TTC7B: variants seen among roughly 807,000 people sequenced by gnomAD.
TTC7B encodes the protein tetratricopeptide repeat protein 7B.
A neutral mutation model predicts 106.8 loss-of-function variants in TTC7B; 28 were observed. The observed-to-expected ratio is 0.26, with a 90% CI of 0.19 to 0.36. The LOEUF is 0.36. TTC7B is among the 10% of genes least tolerant of loss of function. The pLI is 1.00. For missense variants in TTC7B, 862 were observed against 1,076.4 expected (o/e 0.80, Z 2.79); for synonymous variants, 405 against 430.6 (o/e 0.94, Z 0.74).
At chr14:90,546,933 G>T (rs777464378) in intron 19 of TTC7B, among the ~76,000 whole-genome samples, 2 of 152,196 alleles carry the variant, frequency 1.3e-5, no homozygotes, top group Non-Finnish European at 2.9e-5. Context: ...CAGATGACCC[G>T]CCTACAGGTA....
Position 90,531,208 on chromosome 14 carries a change from T to C in TTC7B, c.*10160A>G, listed in dbSNP as rs1695584861. 1.3e-5 allele frequency: 2 copies of C among 152,300 alleles called. No individual in the cohort carries two copies. The highest frequency in any genetic ancestry group is 1.5e-5 in the Non-Finnish European group (1 of 68,032). 9.4% of individuals were successfully genotyped at this position (152,300 alleles called of 1,614,324 possible). A position where few individuals can be genotyped will look rare whatever the true frequency, so the allele number is the denominator to read the frequency against. ...TGTTGTAGCAGCAACAGGCAGCTGA[T>C]ACAGTGGGTGTAGGTTTTACGATCA... On this transcript the variant is annotated 3_prime_UTR_variant, in exon 20 of 20. Transcript: ENST00000328459.
At chr14:90,777,547 G>A (rs1355278807) in intron 3 of TTC7B, among the ~76,000 whole-genome samples, 1 of 152,130 alleles carries the variant, frequency 6.6e-6, no homozygotes, top group Non-Finnish European at 1.5e-5. Context: ...GGCCAACTCA[G>A]ACCTCAGGTC....
At position 90,578,649 on chromosome 14, in the gene TTC7B, C is replaced by T. The variant is rs1706395768; in HGVS notation, c.2108-341G>A. On this transcript the variant is annotated intron_variant, in intron 18 of 19. Transcript: ENST00000328459. The surrounding 1 kb of genome is among the most constrained non-coding windows in gnomAD (Gnocchi z 4.7). ...TGTCTGGACAGAGGCTGGCCCGGTC[C>T]AACCCTTGGCTCTGACCCCCATAGA... Among the ~76,000 whole-genome samples the T allele has an allele frequency of 6.6e-6, 1 of 152,022 alleles. No homozygotes were observed. Among genetic ancestry groups the T allele is most frequent in the Non-Finnish European group, 1.5e-5 (1 of 68,006 alleles).
rs1891327953 is a variant in TTC7B at position 90,578,037 on chromosome 14, T to C, written c.2310+69A>G. On this transcript the variant is annotated intron_variant, in intron 19 of 19. Transcript: ENST00000328459. The surrounding 1 kb of genome is among the most constrained non-coding windows in gnomAD (Gnocchi z 4.7). ...AGCAGAAGAGGGTGTGAGGGTCATGTGCTACCTGCCGCTTCCAAGGGCTGT... is the reference window on the plus strand; with the variant it reads ...AGCAGAAGAGGGTGTGAGGGTCATGCGCTACCTGCCGCTTCCAAGGGCTGT... 5.2e-6 allele frequency: 8 copies of C among 1,529,188 alleles called. No homozygotes were observed. The South Asian group carries it at 8.4e-5, about 16-fold the overall frequency. 94.7% of individuals were successfully genotyped at this position (1,529,188 alleles called of 1,614,324 possible).
At chr14:90,784,480 G>C (rs1432711805) in intron 2 of TTC7B, among the ~76,000 whole-genome samples, 1 of 151,994 alleles carries the variant, frequency 6.6e-6, no homozygotes, top group East Asian at 1.9e-4. Context: ...TGGCATGAGC[G>C]CGGGAGGCAG....
At chr14:90,569,416 C>T (rs1373014846) in intron 19 of TTC7B, among the ~76,000 whole-genome samples, 11 of 152,274 alleles carry the variant, frequency 7.2e-5, no homozygotes, top group South Asian at 4.1e-4. Context: ...TCCCAACAGA[C>T]GACTGGGGAG....
intron 19 of TTC7B, among the ~76,000 whole-genome samples, chr14:90,556,085 A>G (rs1201223392): frequency 6.6e-6 from 1 of 152,232 alleles, no homozygotes; most frequent in Non-Finnish European, 1.5e-5. Context: ...GACCTAATTG[A>G]AAGTGTCAGG....
At chr14:90,796,605 A>G (rs1462094535) in intron 1 of TTC7B, among the ~76,000 whole-genome samples, 1 of 152,188 alleles carries the variant, frequency 6.6e-6, no homozygotes, top group African/African-American at 2.4e-5. Context: ...TGACATGCAG[A>G]GATGTGATCA....
chr14:90,674,873 T>A (rs756959304), intron 9 of TTC7B, among the ~76,000 whole-genome samples: 3 of 152,222 alleles, frequency 2.0e-5, no homozygotes, highest in Non-Finnish European at 4.4e-5. Flanking sequence ...GGAGTGAAGT[T>A]CTGACTTGCA....
In TTC7B at chr14:90,615,675, C is replaced by G. The variant is rs542918117; in HGVS notation, c.1868+2254G>C. Among the ~76,000 whole-genome samples the G allele has an allele frequency of 2.6e-5, 4 of 152,146 alleles. No homozygotes were observed. In the South Asian group the frequency reaches 8.3e-4, roughly 32 times the overall value. ...CCTTCCTTCAGGCTTTATGCTGTTG[C>G]CAGGGTCACCTCTTACCGAGCAGGC... On this transcript the variant is annotated intron_variant, in intron 16 of 19. Coordinates refer to ENST00000328459, the MANE Select transcript of TTC7B (RefSeq NM_001010854.2).
intron 5 of TTC7B, among the ~76,000 whole-genome samples, chr14:90,701,563 C>T (rs1887984994): frequency 6.6e-6 from 1 of 151,912 alleles, no homozygotes; most frequent in South Asian, 2.1e-4. Context: ...TCACCTGTCC[C>T]CTCCACTCCC....
At chr14:90,603,675 G>C (rs1892523166) in intron 17 of TTC7B, among the ~76,000 whole-genome samples, 1 of 152,222 alleles carries the variant, frequency 6.6e-6, no homozygotes, top group East Asian at 1.9e-4. Context: ...GGTTTGTAGG[G>C]TTGGGCTAAT....
rs569866761 is a variant in TTC7B, at chr14:90,541,202, C to T, written c.*166G>A. The T allele has an allele frequency of 4.6e-4, 248 of 537,854 alleles. 3 individuals are homozygous for T. In the South Asian group the frequency reaches 8.4e-3, roughly 18 times the overall value. The allele number at this position is 537,854 out of a possible 1,614,324, so 33.3% of individuals were successfully genotyped here. A position where few individuals can be genotyped will look rare whatever the true frequency, so the allele number is the denominator to read the frequency against. ...AAAAAAACAAGAGAAACGCACATGG[C>T]GAGAGCGATGATTCGGGGTTGGTTT... On this transcript the variant is annotated 3_prime_UTR_variant, in exon 20 of 20. Transcript: ENST00000328459.
At chr14:90,631,844 G>C (rs567252833) in intron 15 of TTC7B, among the ~76,000 whole-genome samples, 1 of 152,286 alleles carries the variant, frequency 6.6e-6, no homozygotes, top group Non-Finnish European at 1.5e-5. Flanking sequence ...TTGTGGTTTT[G>C]ATTTGCATTT....
At chr14:90,732,982 AT>A (rs1406799783) in intron 4 of TTC7B, among the ~76,000 whole-genome samples, 2 of 151,926 alleles carry the variant, frequency 1.3e-5, no homozygotes, top group African/African-American at 4.8e-5. Context: ...TGCCATTGTT[AT>A]TTCTTCACTT....
intron 15 of TTC7B, among the ~76,000 whole-genome samples, chr14:90,641,934 C>CGTGTGCGTGT (rs1555384926): frequency 5.4e-4 from 79 of 147,102 alleles, no homozygotes; most frequent in African/African-American, 2.0e-3. Context: ...TGTGTGTGTG[C>CGTGTGCGTGT]GTGTGTGTGT....
intron 16 of TTC7B, among the ~76,000 whole-genome samples, chr14:90,616,045 T>G (rs2139846596): frequency 6.6e-6 from 1 of 152,328 alleles, no homozygotes; most frequent in African/African-American, 2.4e-5. Flanking sequence ...TCTGCTATTT[T>G]TTTCTCCTCA....
chr14:90,794,935 C>T (rs1218793209), intron 1 of TTC7B, among the ~76,000 whole-genome samples: 2 of 152,094 alleles, frequency 1.3e-5, no homozygotes, highest in Admixed American at 1.3e-4. Flanking sequence ...TCCATGAGCA[C>T]TGCCTGCCCT....
At chr14:90,766,398 G>A (rs920147593) in intron 3 of TTC7B, 2 of 502,552 alleles carry the variant, frequency 4.0e-6, no homozygotes, top group African/African-American at 3.9e-5. Flanking sequence ...GAGACTAAAG[G>A]AAGATGTGGT....
Sources: gnomAD v4.1 joint callset for allele counts (sites outside exome capture counted in the v4.1 genomes callset) on GRCh38, gnomAD v4.1.1 for gene constraint, Gnocchi (gnomAD v3.1) non-coding constraint, MANE v1.5 for transcripts, NCBI Gene and HGNC (gene_info 2026-07-23, HGNC 2026-07-21) for gene names.